Variants in NDST3 observed in about 807,000 individuals in gnomAD.
The protein encoded by NDST3 is N-deacetylase and N-sulfotransferase 3.
In NDST3, 58 loss-of-function variants were observed where a neutral mutation model predicts 96.1. The ratio of observed to expected loss-of-function variants is 0.60; its 90% CI spans 0.49 to 0.75. The LOEUF is 0.75. NDST3 is among the 30% of genes least tolerant of loss of function. The pLI is 0.00. For missense variants in NDST3, 788 were observed against 1,034.2 expected, an observed-to-expected ratio of 0.76 and a Z score of 3.27; for synonymous variants, 333 against 359.7, an observed-to-expected ratio of 0.93 and a Z score of 0.84.
intron 6 of NDST3, among the ~76,000 whole-genome samples, chr4:118,200,813 A>G (rs1407355863): frequency 3.9e-5 from 6 of 152,138 alleles, no homozygotes; most frequent in African/African-American, 1.2e-4. Context: ...TTTATTTTAA[A>G]TACAGGGTAC....
chr4:118,099,074 C>T (rs1729568635), intron 2 of NDST3, among the ~76,000 whole-genome samples: 2 of 152,046 alleles, frequency 1.3e-5, no homozygotes, highest in South Asian at 4.1e-4. Flanking sequence ...ACCATATATC[C>T]ATTTCTCATT....
chr4:118,134,007 A>G (rs1309398756), intron 4 of NDST3, among the ~76,000 whole-genome samples: 1 of 152,226 alleles, frequency 6.6e-6, no homozygotes, highest in African/African-American at 2.4e-5. Context: ...GCTGTGTACT[A>G]TGAAAAACCA....
At chr4:118,254,350 T>C (rs1353098586) in intron 13 of NDST3, among the ~76,000 whole-genome samples, 3 of 152,052 alleles carry the variant, frequency 2.0e-5, no homozygotes, top group Admixed American at 1.3e-4. Flanking sequence ...ATATACTAAG[T>C]TTTGAGCTGT....
intron 2 of NDST3, among the ~76,000 whole-genome samples, chr4:118,100,626 A>C: frequency 6.6e-6 from 1 of 152,110 alleles, no homozygotes; most frequent in Admixed American, 6.6e-5. Context: ...CGTTTCTGGA[A>C]GATTATGTCA....
In NDST3 at chr4:118,258,550, G is replaced by GT. The variant is rs1247876891; in HGVS notation, c.*2844dup. ...TTACTGGAAACATTTTTTTCTCTGA[G>GT]TTTTTTAAAATAAAAAACCTAGATA... On this transcript the variant is annotated 3_prime_UTR_variant, in exon 14 of 14. Coordinates refer to ENST00000296499, the MANE Select transcript of NDST3 (RefSeq NM_004784.3). 1.3e-5 allele frequency: 2 copies of GT among 151,912 alleles called. No homozygotes were observed. The highest frequency in any genetic ancestry group is 2.9e-5 in the Non-Finnish European group (2 of 67,960). 9.4% of individuals were successfully genotyped at this position (151,912 alleles called of 1,614,324 possible). A position where few individuals can be genotyped will look rare whatever the true frequency, so the allele number is the denominator to read the frequency against.
chr4:118,096,208 C>T (rs766419593), intron 2 of NDST3, among the ~76,000 whole-genome samples: 3 of 151,878 alleles, frequency 2.0e-5, no homozygotes, highest in Admixed American at 6.6e-5. Flanking sequence ...CTTAAACTAC[C>T]TCTATATACA....
chr4:118,227,710 C>T (rs1378226396), intron 8 of NDST3, among the ~76,000 whole-genome samples: 1 of 149,756 alleles, frequency 6.7e-6, no homozygotes, highest in African/African-American at 2.5e-5. Flanking sequence ...CTCCCGGGTT[C>T]ACGCCATTCT....
At chr4:118,075,780 T>C (rs969871969) in intron 2 of NDST3, among the ~76,000 whole-genome samples, 2 of 152,228 alleles carry the variant, frequency 1.3e-5, no homozygotes, top group African/African-American at 4.8e-5. Flanking sequence ...TTTAAGTTCT[T>C]TGTAGATTCT....
chr4:118,093,098 C>T (rs958295962), intron 2 of NDST3, among the ~76,000 whole-genome samples: 7 of 151,816 alleles, frequency 4.6e-5, no homozygotes, highest in South Asian at 4.2e-4. Context: ...AAGGGCTGTG[C>T]GCTGGAACTG....
chr4:118,228,014 G>A (rs1740019273), intron 8 of NDST3, among the ~76,000 whole-genome samples: 1 of 152,058 alleles, frequency 6.6e-6, no homozygotes, highest in Non-Finnish European at 1.5e-5. Context: ...ATTATTTGGG[G>A]CCCTTGGTTA....
At chr4:118,212,123 G>A (rs1186389809) in intron 6 of NDST3, among the ~76,000 whole-genome samples, 1 of 152,112 alleles carries the variant, frequency 6.6e-6, no homozygotes, top group Non-Finnish European at 1.5e-5. Context: ...CAGTTAGTTG[G>A]GTTCACAATG....
chr4:118,136,017 C>G (rs1358921236), intron 4 of NDST3, among the ~76,000 whole-genome samples: 1 of 152,172 alleles, frequency 6.6e-6, no homozygotes, highest in African/African-American at 2.4e-5. Flanking sequence ...GCTGGGCCAT[C>G]CTTTCATGCC....
At chr4:118,133,551 T>A (rs1280129963) in intron 4 of NDST3, among the ~76,000 whole-genome samples, 1 of 152,210 alleles carries the variant, frequency 6.6e-6, no homozygotes, top group Non-Finnish European at 1.5e-5. Flanking sequence ...GCTTACCTGA[T>A]TTTTTGTTCT....
chr4:118,088,921 A>G (rs541471709), intron 2 of NDST3, among the ~76,000 whole-genome samples: 21 of 152,066 alleles, frequency 1.4e-4, no homozygotes, highest in African/African-American at 5.1e-4. Context: ...AGTCCCCTTA[A>G]GATAGACAAA....
intron 1 of NDST3, among the ~76,000 whole-genome samples, chr4:118,041,638 C>CT (rs1172990997): frequency 6.6e-6 from 1 of 152,340 alleles, no homozygotes; most frequent in East Asian, 1.9e-4. Context: ...TGGGAACTCT[C>CT]TGACATGCAG....
chr4:118,201,669 T>C (rs1560714569), intron 6 of NDST3, among the ~76,000 whole-genome samples: 1 of 152,210 alleles, frequency 6.6e-6, no homozygotes, highest in Non-Finnish European at 1.5e-5. Flanking sequence ...AAGCTCCCTA[T>C]AGATTCTGGA....
chr4:118,073,419 G>A (rs911518885), intron 2 of NDST3, among the ~76,000 whole-genome samples: 2 of 151,856 alleles, frequency 1.3e-5, no homozygotes, highest in Non-Finnish European at 1.5e-5. Context: ...TGGTCTGTTC[G>A]GGGTTTCAAT....
intron 2 of NDST3, among the ~76,000 whole-genome samples, chr4:118,089,285 G>T (rs1233578104): frequency 6.6e-6 from 1 of 151,808 alleles, no homozygotes; most frequent in East Asian, 1.9e-4. Flanking sequence ...AACTTAAGGG[G>T]TTTATATAGT....
At chr4:118,109,080 C>A (rs1207050383) in intron 3 of NDST3, among the ~76,000 whole-genome samples, 1 of 152,142 alleles carries the variant, frequency 6.6e-6, no homozygotes, top group African/African-American at 2.4e-5. Flanking sequence ...TTTAGTTCAT[C>A]TTTCTAGTGA....
Sources: gnomAD v4.1 joint callset for allele counts (sites outside exome capture counted in the v4.1 genomes callset) on GRCh38, gnomAD v4.1.1 for gene constraint, MANE v1.5 for transcripts, NCBI Gene and HGNC (gene_info 2026-07-23, HGNC 2026-07-21) for gene names.